EMILIN2: variants seen among roughly 807,000 people sequenced by gnomAD.
EMILIN2 encodes the protein EMILIN-2.
In EMILIN2, 71 loss-of-function variants were observed where a neutral mutation model predicts 87.1. That is an observed-to-expected ratio of 0.82 (90% CI 0.67 to 0.99). The LOEUF is 0.99. Among genes scored for constraint, EMILIN2 ranks in the 50% least tolerant of loss-of-function variants. The probability of loss-of-function intolerance (pLI) is 0.00; values close to 1 mark genes in which losing one functional copy is unlikely to be tolerated. For synonymous variants in EMILIN2, 581 were observed against 563.4 expected (o/e 1.03, Z -0.44); for missense variants, 1,407 against 1,371.8 (o/e 1.03, Z -0.40).
chr18:2,877,755 G>T (rs1395581774), intron 2 of EMILIN2, among the ~76,000 whole-genome samples: 1 of 150,040 alleles, frequency 6.7e-6, no homozygotes, highest in East Asian at 2.0e-4. Flanking sequence ...TCCTGCCTGG[G>T]TGACAGACTG....
At position 2,893,110 on chromosome 18, in the gene EMILIN2, A is replaced by C. The variant is rs553477627; in HGVS notation, c.2359+624A>C. ...GCACATGATCTACGTAATTTACAAA[A>C]ATATCAGTTCACAACACATTGAAAA... On this transcript the variant is annotated intron_variant, in intron 4 of 7. Coordinates refer to ENST00000254528, the MANE Select transcript of EMILIN2 (RefSeq NM_032048.3). Among the ~76,000 whole-genome samples, 203 of 152,262 alleles carry C rather than the reference A, an allele frequency of 1.3e-3. 1 individual carries two copies. Among genetic ancestry groups the C allele is most frequent in the African/African-American group, 4.7e-3 (195 of 41,538 alleles).
chr18:2,851,003 C>T (rs1382045056), intron 2 of EMILIN2, among the ~76,000 whole-genome samples: 1 of 149,638 alleles, frequency 6.7e-6, no homozygotes, highest in Non-Finnish European at 1.5e-5. Context: ...GGGGTGCAGG[C>T]ATTGTAATTT....
intron 2 of EMILIN2, among the ~76,000 whole-genome samples, chr18:2,868,664 C>T (rs1166648878): frequency 5.3e-5 from 8 of 152,234 alleles, no homozygotes; most frequent in Admixed American, 1.3e-4. Context: ...GGCGTGGGGG[C>T]GCGCGCCTGC....
intron 3 of EMILIN2, among the ~76,000 whole-genome samples, chr18:2,887,657 C>T (rs1333931969): frequency 6.6e-6 from 1 of 152,168 alleles, no homozygotes; most frequent in African/African-American, 2.4e-5. Flanking sequence ...GTTGCTGACA[C>T]CATGTTTCTT....
At position 2,868,522 on chromosome 18, in the gene EMILIN2, A is replaced by G. The variant is rs1009230733; in HGVS notation, c.258-16442A>G. ...CTGGGCACCATTGAGCACTGAGTGA[A>G]CGAGGCTCCCTCTGCAATCCCGGCA... On this transcript the variant is annotated intron_variant, in intron 2 of 7. Coordinates refer to ENST00000254528, the MANE Select transcript of EMILIN2 (RefSeq NM_032048.3). Among the ~76,000 whole-genome samples the G allele has an allele frequency of 8.5e-5, 13 of 152,372 alleles. No homozygotes were observed. In the Middle Eastern group the frequency reaches 0.01, roughly 120 times the overall value.
At position 2,892,313 on chromosome 18, in the gene EMILIN2, G is replaced by T. The variant is rs764736157; in HGVS notation, c.2186G>T (p.Gly729Val). ...GGAAATCTTCAGAGGATCAAGGAGG[G>T]GCTCAACAAGCATGTCAGCAGCCTG... The part of the protein sequence containing the change: ...ISGNLQRIKE[G>V]LNKHVSSLWN... Residue 729 changes from glycine (G) to valine (V), a missense_variant, in exon 4 of 8, where the codon GGG becomes GTG. Gly to Val is a moderately radical substitution (Grantham distance 109, BLOSUM62 -3). Coordinates refer to ENST00000254528, the MANE Select transcript of EMILIN2 (RefSeq NM_032048.3). The T allele has an allele frequency of 6.2e-7, 1 of 1,614,128 alleles. No homozygotes were observed. The highest frequency in any genetic ancestry group is 8.5e-7 in the Non-Finnish European group (1 of 1,180,026).
chr18:2,871,592 G>A (rs1024333380), intron 2 of EMILIN2, among the ~76,000 whole-genome samples: 5 of 152,234 alleles, frequency 3.3e-5, no homozygotes, highest in African/African-American at 4.8e-5. Context: ...TTCTGAGGAC[G>A]TGGAGATTTG....
At chr18:2,856,200 C>G (rs1378204470) in intron 2 of EMILIN2, among the ~76,000 whole-genome samples, 1 of 151,850 alleles carries the variant, frequency 6.6e-6, no homozygotes, top group African/African-American at 2.4e-5. Context: ...CATAGTGAGA[C>G]CCCCCTCTCT....
At chr18:2,871,072 C>T (rs1183029396) in intron 2 of EMILIN2, among the ~76,000 whole-genome samples, 2 of 152,178 alleles carry the variant, frequency 1.3e-5, no homozygotes, top group Non-Finnish European at 2.9e-5. Context: ...TGTAAAGACC[C>T]TATCTCCAAA....
chr18:2,874,654 T>C (rs2076738621), intron 2 of EMILIN2, among the ~76,000 whole-genome samples: 1 of 152,188 alleles, frequency 6.6e-6, no homozygotes, highest in Admixed American at 6.5e-5. Flanking sequence ...AGTAATACTG[T>C]GTTAGCCTGG....
intron 2 of EMILIN2, among the ~76,000 whole-genome samples, chr18:2,867,485 GAGGACCCTGCGGCCTTCCGC>G (rs2076692372): frequency 6.6e-6 from 1 of 152,190 alleles, no homozygotes; most frequent in South Asian, 2.1e-4. Context: ...TTCCTAGGCA[GAGGACCCTGCGGCCTTCCGC>G]AGTGTTTGTG....
At chr18:2,858,583 G>GTGTGTGTGTGTGTGTGTATATATA (rs1180735843) in intron 2 of EMILIN2, among the ~76,000 whole-genome samples, 6 of 63,060 alleles carry the variant, frequency 9.5e-5, no homozygotes, top group African/African-American at 5.6e-4. Context: ...GTGTGTGTGT[G>GTGTGTGTGTGTGTGTGTATATATA]TATATATATA....
intron 4 of EMILIN2, 84 bp downstream of exon 4, chr18:2,892,570 G>C (rs2076844522): frequency 6.7e-7 from 1 of 1,486,280 alleles, no homozygotes; most frequent in Non-Finnish European, 8.9e-7. Context: ...GTTCATTTTT[G>C]ATATTGTTGA....
intron 5 of EMILIN2, among the ~76,000 whole-genome samples, chr18:2,907,570 G>C (rs1025488901): frequency 6.6e-6 from 1 of 152,236 alleles, no homozygotes; most frequent in African/African-American, 2.4e-5. Context: ...TGTGAGGATG[G>C]AGAAAAGCCC....
intron 4 of EMILIN2, among the ~76,000 whole-genome samples, chr18:2,897,193 C>T (rs575856147): frequency 1.3e-5 from 2 of 152,072 alleles, no homozygotes; most frequent in Non-Finnish European, 2.9e-5. Context: ...TTTTAAGTAC[C>T]GTGAGAAACT....
chr18:2,894,267 G>A lies in EMILIN2; in HGVS notation c.2359+1781G>A, dbSNP rs1178567009. ...GGGTGGAGAGGGTCCGAGGTAGGTGGGAAAATGCCCTGGATGTCCCCAGAG... is the reference window on the plus strand; with the variant it reads ...GGGTGGAGAGGGTCCGAGGTAGGTGAGAAAATGCCCTGGATGTCCCCAGAG... On this transcript the variant is annotated intron_variant, in intron 4 of 7. Coordinates refer to ENST00000254528, the MANE Select transcript of EMILIN2 (RefSeq NM_032048.3). This position sits in a 1 kb window ranked among gnomAD's most constrained non-coding sequence, Gnocchi z 5.0. Among the ~76,000 whole-genome samples the A allele has an allele frequency of 1.3e-5, 2 of 152,120 alleles. No individual in the cohort carries two copies. Among genetic ancestry groups the A allele is most frequent in the Non-Finnish European group, 2.9e-5 (2 of 68,010 alleles).
chr18:2,847,369 G>T lies in EMILIN2; in HGVS notation c.134+47G>T, dbSNP rs974815680. 1.6e-6 allele frequency: 2 copies of T among 1,260,448 alleles called. No homozygotes were observed. Among genetic ancestry groups the T allele is most frequent in the South Asian group, 2.4e-5 (1 of 41,686 alleles). The allele number at this position is 1,260,448 out of a possible 1,614,324, so 78.1% of individuals were successfully genotyped here. A position where few individuals can be genotyped will look rare whatever the true frequency, so the allele number is the denominator to read the frequency against. ...GGCCCCAAACCGCCTACCCCTCCCC[G>T]GCCCCCAGTTGAGCCCCAGAGCTGC... On this transcript the variant is annotated intron_variant, in intron 1 of 7. Transcript: ENST00000254528. The surrounding 1 kb of genome is among the most constrained non-coding windows in gnomAD (Gnocchi z 4.5).
intron 4 of EMILIN2, among the ~76,000 whole-genome samples, chr18:2,905,150 T>C (rs1180614548): frequency 2.0e-5 from 3 of 151,956 alleles, no homozygotes; most frequent in African/African-American, 4.8e-5. Flanking sequence ...TAGAATGGAA[T>C]TAGCTCTGTA....
chr18:2,912,606 G>A (rs2076946634), intron 7 of EMILIN2, among the ~76,000 whole-genome samples: 1 of 152,176 alleles, frequency 6.6e-6, no homozygotes, highest in Non-Finnish European at 1.5e-5. Context: ...TGGGTCATGG[G>A]CTGAGTATCA....
Sources: allele counts gnomAD v4.1 joint callset (sites outside exome capture counted in the v4.1 genomes callset), GRCh38; gene constraint gnomAD v4.1.1; non-coding constraint Gnocchi (gnomAD v3.1); transcripts MANE v1.5; gene names NCBI Gene and HGNC (gene_info 2026-07-23, HGNC 2026-07-21).